Variants in SYBU observed in about 807,000 individuals in gnomAD.
SYBU encodes syntabulin.
In SYBU, 21 loss-of-function variants were observed where a neutral mutation model predicts 35.9. The ratio of observed to expected loss-of-function variants is 0.58; its 90% CI spans 0.41 to 0.84. SYBU has a LOEUF of 0.84. SYBU is among the 40% of genes least tolerant of loss of function. SYBU has a pLI of 0.00. For synonymous variants in SYBU, 319 were observed against 324.3 expected, an observed-to-expected ratio of 0.98 and a Z score of 0.18; for missense variants, 768 against 848.2, an observed-to-expected ratio of 0.91 and a Z score of 1.17.
At chr8:109,670,696 T>C (rs1026928783) in intron 1 of SYBU, among the ~76,000 whole-genome samples, 12 of 152,164 alleles carry the variant, frequency 7.9e-5, no homozygotes, top group African/African-American at 2.9e-4. Flanking sequence ...TTAAATAAAA[T>C]TTTAAATTAA....
At chr8:109,615,392 T>G (rs1176905560) in intron 3 of SYBU, among the ~76,000 whole-genome samples, 2 of 152,196 alleles carry the variant, frequency 1.3e-5, no homozygotes, top group Non-Finnish European at 2.9e-5. Flanking sequence ...TGTCTCTGGA[T>G]TCTATAAATT....
chr8:109,607,945 C>T, intron 3 of SYBU: 1 of 1,534,928 alleles, frequency 6.5e-7, no homozygotes, highest in Non-Finnish European at 8.7e-7. Flanking sequence ...TCATGGCAAA[C>T]ATTGCCTCTG....
chr8:109,649,249 G>A (rs551266292), upstream of SYBU, among the ~76,000 whole-genome samples: 1 of 151,772 alleles, frequency 6.6e-6, no homozygotes, highest in Non-Finnish European at 1.5e-5. Flanking sequence ...TGATCTGCCC[G>A]CCTCGGCCTC....
chr8:109,639,809 T>C (rs1396973385), intron 2 of SYBU, among the ~76,000 whole-genome samples: 2 of 152,234 alleles, frequency 1.3e-5, no homozygotes, highest in Admixed American at 6.5e-5. Context: ...TTACATTCTC[T>C]ATCTCACTGC....
intron 3 of SYBU, among the ~76,000 whole-genome samples, chr8:109,607,173 TACA>T (rs1163931077): frequency 6.6e-6 from 1 of 152,214 alleles, no homozygotes; most frequent in Admixed American, 6.5e-5. Flanking sequence ...TCATGTGTTT[TACA>T]ACACTACAAA....
chr8:109,679,709 A>T (rs1817332186), intron 1 of SYBU, among the ~76,000 whole-genome samples: 2 of 152,208 alleles, frequency 1.3e-5, no homozygotes, highest in South Asian at 4.1e-4. Flanking sequence ...AGTAACAATA[A>T]TTACCTCTAT....
chr8:109,668,132 G>C (rs1334154247), intron 1 of SYBU, among the ~76,000 whole-genome samples: 3 of 136,272 alleles, frequency 2.2e-5, no homozygotes. Context: ...AGGGAGGGAG[G>C]GGGGAAGGAA....
intron 1 of SYBU, among the ~76,000 whole-genome samples, chr8:109,673,925 A>G (rs988908225): frequency 2.6e-5 from 4 of 152,026 alleles, no homozygotes; most frequent in Non-Finnish European, 5.9e-5. Flanking sequence ...AGCAGAAGAT[A>G]TATCAGAGAT....
chr8:109,611,786 G>T (rs891581297), intron 3 of SYBU, among the ~76,000 whole-genome samples: 1 of 152,102 alleles, frequency 6.6e-6, no homozygotes, highest in Non-Finnish European at 1.5e-5. Flanking sequence ...TATCTTTATG[G>T]TTTATTTTTA....
intron 4 of SYBU, chr8:109,585,732 G>T: frequency 4.5e-6 from 1 of 220,426 alleles, no homozygotes. Context: ...AGGGGAGGTA[G>T]GAGGGAAGTG....
intron 3 of SYBU, among the ~76,000 whole-genome samples, chr8:109,617,748 G>A (rs1388849093): frequency 6.6e-6 from 1 of 152,094 alleles, no homozygotes; most frequent in Non-Finnish European, 1.5e-5. Context: ...AATTCATTAT[G>A]ACTAACATTT....
At chr8:109,619,482 C>T (rs1236700113) in intron 2 of SYBU, among the ~76,000 whole-genome samples, 2 of 152,160 alleles carry the variant, frequency 1.3e-5, no homozygotes, top group Non-Finnish European at 2.9e-5. Flanking sequence ...CTGCCTCAGC[C>T]TCCCAAAGTG....
intron 3 of SYBU, among the ~76,000 whole-genome samples, chr8:109,618,192 T>C (rs1229645764): frequency 6.6e-6 from 1 of 152,254 alleles, no homozygotes; most frequent in Non-Finnish European, 1.5e-5. Flanking sequence ...ATACTGCATG[T>C]GTATTTCTGA....
Position 109,691,223 on chromosome 8 carries a change from C to A in SYBU, c.-58+110G>T. ...ACCTCCCGCATTGGAAAGGGTGGTC[C>A]TGGGGTCCGGAGCGCCCCATCACTG... On this transcript the variant is annotated intron_variant, in intron 1 of 7. Transcript: ENST00000422135. This position sits in a 1 kb window ranked among gnomAD's most constrained non-coding sequence, Gnocchi z 4.7. The A allele has an allele frequency of 1.5e-6, 1 of 665,940 alleles. No individual in the cohort carries two copies. The highest frequency in any genetic ancestry group is 2.9e-5 in the East Asian group (1 of 34,444). 41.3% of individuals were successfully genotyped at this position (665,940 alleles called of 1,614,324 possible).
chr8:109,641,006 G>C (rs1238890719), intron 2 of SYBU, among the ~76,000 whole-genome samples: 1 of 152,144 alleles, frequency 6.6e-6, no homozygotes, highest in East Asian at 1.9e-4. Context: ...ATTAATCATA[G>C]CATCCTGATT....
chr8:109,642,690 C>T lies in SYBU; in HGVS notation c.229+38G>A, dbSNP rs79472812. 6,842 of 1,473,560 alleles carry T rather than the reference C, an allele frequency of 4.6e-3. 260 individuals are homozygous for T. The African/African-American group carries it at 0.086, about 18-fold the overall frequency. 91.3% of individuals were successfully genotyped at this position (1,473,560 alleles called of 1,614,324 possible). On this transcript the variant is annotated intron_variant, in intron 2 of 6. Transcript: ENST00000276646. Reference sequence around the variant, plus strand: ...ATTCACAATGCACCTGCAGTGCACACGCTTCACGCCTCTGGTGGCCTCCCG... The same window carrying T: ...ATTCACAATGCACCTGCAGTGCACATGCTTCACGCCTCTGGTGGCCTCCCG...
chr8:109,676,645 TA>T (rs564785249), intron 1 of SYBU, among the ~76,000 whole-genome samples: 110 of 152,326 alleles, frequency 7.2e-4, no homozygotes, highest in Non-Finnish European at 1.3e-3. Context: ...CGCAGTTGCT[TA>T]ACTCCAATTT....
intron 1 of SYBU, among the ~76,000 whole-genome samples, chr8:109,672,479 A>G (rs13254299): frequency 0.079 from 12,088 of 152,204 alleles, 609 homozygotes; most frequent in East Asian, 0.12. Context: ...ACTGTGCCAT[A>G]AGGAATGGTG....
chr8:109,618,730 G>T, intron 3 of SYBU, 112 bp downstream of exon 3: 3 of 969,044 alleles, frequency 3.1e-6, no homozygotes, highest in Non-Finnish European at 4.8e-6. Context: ...TGCTTTAGAT[G>T]CTGGGTACGG....
Sources: gnomAD v4.1 joint callset for allele counts (sites outside exome capture counted in the v4.1 genomes callset) on GRCh38, gnomAD v4.1.1 for gene constraint, Gnocchi (gnomAD v3.1) non-coding constraint, MANE v1.5 for transcripts, NCBI Gene and HGNC (gene_info 2026-07-23, HGNC 2026-07-21) for gene names.